PRKCA: variants seen among roughly 807,000 people sequenced by gnomAD.
PRKCA encodes the protein protein kinase C alpha.
In PRKCA, 27 loss-of-function variants were observed where a neutral mutation model predicts 87.0. The observed-to-expected ratio is 0.31, with a 90% CI of 0.23 to 0.43. The LOEUF (loss-of-function observed/expected upper bound fraction) is 0.43, where lower values mean the gene tolerates loss of function less well. PRKCA is among the 20% of genes least tolerant of loss of function. The pLI is 1.00. For missense variants in PRKCA, 518 were observed against 852.3 expected (o/e 0.61, Z 4.88); for synonymous variants, 329 against 311.1 (o/e 1.06, Z -0.61).
Position 66,314,875 on chromosome 17 carries a change from A to G in PRKCA, c.205+8748A>G, listed in dbSNP as rs201252957. On this transcript the variant is annotated intron_variant, in intron 2 of 16. Coordinates refer to ENST00000413366, the MANE Select transcript of PRKCA (RefSeq NM_002737.3). ...TCTCTCTCTCTCTAGATATATATAT[A>G]TGTGTGTGTGTGTGTGTGTGTGTGT... 6.7e-4 allele frequency among the ~76,000 whole-genome samples: 100 copies of G among 148,664 alleles called. 1 individual carries two copies. The Middle Eastern group carries it at 0.014, about 20-fold the overall frequency.
intron 13 of PRKCA, among the ~76,000 whole-genome samples, chr17:66,756,622 A>T (rs1974553880): frequency 6.6e-6 from 1 of 151,616 alleles, no homozygotes; most frequent in Admixed American, 6.6e-5. Flanking sequence ...TGTGGCAAGG[A>T]TGTTGGAATG....
chr17:66,530,104 C>T (rs1030248560), intron 3 of PRKCA, among the ~76,000 whole-genome samples: 4 of 152,204 alleles, frequency 2.6e-5, no homozygotes, highest in African/African-American at 7.2e-5. Flanking sequence ...GCCCCATGTT[C>T]AGTGTTCTTT....
intron 3 of PRKCA, among the ~76,000 whole-genome samples, chr17:66,536,735 C>G (rs1967799635): frequency 6.6e-6 from 1 of 152,230 alleles, no homozygotes; most frequent in African/African-American, 2.4e-5. Flanking sequence ...CAGGCTCCAA[C>G]TGCTCTTCTC....
At chr17:66,654,479 G>T (rs1971679628) in intron 5 of PRKCA, among the ~76,000 whole-genome samples, 1 of 152,182 alleles carries the variant, frequency 6.6e-6, no homozygotes, top group African/African-American at 2.4e-5. Flanking sequence ...GGCTTGTAGA[G>T]CTCCCGCAGC....
intron 16 of PRKCA, 115 bp downstream of exon 16, chr17:66,789,094 G>A: frequency 7.8e-7 from 1 of 1,289,846 alleles, no homozygotes; most frequent in Non-Finnish European, 1.1e-6. Flanking sequence ...TGTACAGGGT[G>A]AGGAAACGGG....
intron 2 of PRKCA, among the ~76,000 whole-genome samples, chr17:66,353,893 T>G (rs1366532583): frequency 6.6e-6 from 1 of 152,198 alleles, no homozygotes; most frequent in Non-Finnish European, 1.5e-5. Flanking sequence ...GGGAACTTTT[T>G]TTTTTTCACG....
At chr17:66,661,616 A>G (rs925686354) in intron 5 of PRKCA, among the ~76,000 whole-genome samples, 1 of 152,214 alleles carries the variant, frequency 6.6e-6, no homozygotes, top group Non-Finnish European at 1.5e-5. Context: ...AAGGGTAAAG[A>G]AAAAAACTTG....
Position 66,805,181 on chromosome 17 carries a change from C to A in PRKCA, c.*1144C>A. The stretch of plus-strand genomic sequence containing the variant: ...TTTCTAGTTCACGTTGAATGACAGG[C>A]CTGGAGCTGTAGAATCAGGAAACCC... On this transcript the variant is annotated 3_prime_UTR_variant, in exon 17 of 17. Coordinates refer to ENST00000413366, the MANE Select transcript of PRKCA (RefSeq NM_002737.3). 1.0e-6 allele frequency: 1 copy of A among 955,458 alleles called. No homozygotes were observed. The highest frequency in any genetic ancestry group is 1.2e-6 in the Non-Finnish European group (1 of 802,642). The allele number at this position is 955,458 out of a possible 1,614,324, so 59.2% of individuals were successfully genotyped here. A position where few individuals can be genotyped will look rare whatever the true frequency, so the allele number is the denominator to read the frequency against.
At chr17:66,359,715 T>A (rs973295023) in intron 2 of PRKCA, among the ~76,000 whole-genome samples, 5 of 152,236 alleles carry the variant, frequency 3.3e-5, no homozygotes, top group Admixed American at 3.3e-4. Context: ...TTAATAAGTT[T>A]ATTCTATGCC....
In PRKCA at chr17:66,302,720, G is replaced by C; in HGVS notation, c.-132G>C. The C allele has an allele frequency of 1.9e-6, 1 of 523,454 alleles. No homozygotes were observed. The highest frequency in any genetic ancestry group is 2.5e-6 in the Non-Finnish European group (1 of 407,154). The allele number at this position is 523,454 out of a possible 1,614,324, so 32.4% of individuals were successfully genotyped here. Reference sequence around the variant, plus strand: ...GGCCCCCGCCGCGCCCCCTCGCCGCGACCTCGGCCACCGGCCCGCGCCCCG... The same window carrying C: ...GGCCCCCGCCGCGCCCCCTCGCCGCCACCTCGGCCACCGGCCCGCGCCCCG... On this transcript the variant is annotated 5_prime_UTR_variant, in exon 1 of 17. Transcript: ENST00000413366.
intron 14 of PRKCA, among the ~76,000 whole-genome samples, chr17:66,776,300 G>C (rs1052453810): frequency 2.6e-5 from 4 of 152,092 alleles, no homozygotes; most frequent in African/African-American, 9.7e-5. Context: ...CCTAAGACAA[G>C]CTGTTTCTGT....
intron 2 of PRKCA, among the ~76,000 whole-genome samples, chr17:66,334,022 G>A (rs1009619133): frequency 3.3e-5 from 5 of 152,134 alleles, no homozygotes; most frequent in Non-Finnish European, 5.9e-5. Flanking sequence ...AGGCCGAGGT[G>A]GGTGGATCAC....
At chr17:66,326,958 C>A (rs1043886393) in intron 2 of PRKCA, among the ~76,000 whole-genome samples, 1 of 152,160 alleles carries the variant, frequency 6.6e-6, no homozygotes, top group Admixed American at 6.5e-5. Context: ...GTTCCAGCTA[C>A]TCAGGAGGCC....
chr17:66,802,618 G>C (rs1038190997), intron 16 of PRKCA, among the ~76,000 whole-genome samples: 1 of 152,170 alleles, frequency 6.6e-6, no homozygotes, highest in Non-Finnish European at 1.5e-5. Context: ...AGACTCAACT[G>C]CCTTATAAAA....
chr17:66,402,459 T>C (rs1911094978), intron 2 of PRKCA, among the ~76,000 whole-genome samples: 1 of 148,538 alleles, frequency 6.7e-6, no homozygotes, highest in Admixed American at 6.8e-5. Context: ...GACTTGAGCA[T>C]GTTACAGGGC....
At chr17:66,458,544 A>G (rs1460425022) in intron 2 of PRKCA, among the ~76,000 whole-genome samples, 2 of 150,812 alleles carry the variant, frequency 1.3e-5, no homozygotes, top group Admixed American at 1.3e-4. Flanking sequence ...GTAGTGGTGC[A>G]CTCTCAGCTC....
intron 3 of PRKCA, among the ~76,000 whole-genome samples, chr17:66,593,808 G>T (rs980231939): frequency 2.6e-5 from 4 of 152,194 alleles, no homozygotes; most frequent in Non-Finnish European, 5.9e-5. Context: ...ATCTGGCTGG[G>T]TGTGGGGGCC....
chr17:66,421,556 A>G (rs1240027440), intron 2 of PRKCA, among the ~76,000 whole-genome samples: 2 of 149,600 alleles, frequency 1.3e-5, no homozygotes, highest in African/African-American at 4.9e-5. Flanking sequence ...TTTTTGAGAC[A>G]GAGTCTTACT....
intron 13 of PRKCA, among the ~76,000 whole-genome samples, chr17:66,744,893 C>T (rs763456964): frequency 1.3e-5 from 2 of 152,140 alleles, no homozygotes; most frequent in African/African-American, 4.8e-5. Context: ...TTCCTTGGTT[C>T]GTGGTGTCTT....
Sources: allele counts gnomAD v4.1 joint callset (sites outside exome capture counted in the v4.1 genomes callset), GRCh38; gene constraint gnomAD v4.1.1; transcripts MANE v1.5; gene names NCBI Gene and HGNC (gene_info 2026-07-23, HGNC 2026-07-21).